PCDHGB2: variants seen among roughly 807,000 people sequenced by gnomAD.
The protein encoded by PCDHGB2 is protocadherin gamma-B2.
In PCDHGB2, 55 loss-of-function variants were observed where a neutral mutation model predicts 59.3. That is an observed-to-expected ratio of 0.93 (90% CI 0.75 to 1.16). The LOEUF (loss-of-function observed/expected upper bound fraction) is 1.16. Ranked by LOEUF, PCDHGB2 falls within the 50% of genes most tolerant of loss-of-function variation. The pLI, the probability that PCDHGB2 is intolerant of heterozygous loss-of-function variation, is 0.00. For synonymous variants in PCDHGB2, 516 were observed against 512.0 expected, an observed-to-expected ratio of 1.01 and a Z score of -0.11; for missense variants, 1,228 against 1,198.5, an observed-to-expected ratio of 1.02 and a Z score of -0.36.
At position 141,430,677 on chromosome 5, in the gene PCDHGB2, T is replaced by C. The variant is rs888907330; in HGVS notation, c.2422-64130T>C. On this transcript the variant is annotated intron_variant, in intron 1 of 3. Coordinates refer to ENST00000522605, the MANE Select transcript of PCDHGB2 (RefSeq NM_018923.3). ...AACGGAGGAGCTCTGACTTCCCAAC[T>C]GTCCCATTCTATGGGCGAAGGAACT... 1.2e-5 allele frequency: 15 copies of C among 1,303,020 alleles called. No individual in the cohort carries two copies. In the African/African-American group the frequency reaches 2.1e-4, roughly 18 times the overall value. The allele number at this position is 1,303,020 out of a possible 1,614,324, so 80.7% of individuals were successfully genotyped here. A position where few individuals can be genotyped will look rare whatever the true frequency, so the allele number is the denominator to read the frequency against.
At chr5:141,497,500 T>G (rs1468175808) in intron 2 of PCDHGB2, among the ~76,000 whole-genome samples, 2 of 151,562 alleles carry the variant, frequency 1.3e-5, no homozygotes, top group Non-Finnish European at 2.9e-5. Context: ...CTCTCTCCTC[T>G]CTCTGCTTCC....
intron 1 of PCDHGB2, chr5:141,421,377 C>T (rs1168242339): frequency 1.9e-6 from 3 of 1,613,924 alleles, no homozygotes; most frequent in South Asian, 1.1e-5. Context: ...GCAATATCTC[C>T]AAGGACCTGG....
At chr5:141,423,427 G>T (rs2096739583) in intron 1 of PCDHGB2, 1 of 1,613,892 alleles carries the variant, frequency 6.2e-7, no homozygotes, top group Non-Finnish European at 8.5e-7. Flanking sequence ...AGGCGGGTTG[G>T]CAGGTATGCC....
chr5:141,490,322 A>C lies in PCDHGB2; in HGVS notation c.2422-4485A>C. ...GCCTCTTTGGCCAACCCTGTCCTAGAGAGCACACCAGTGGGCACAGTAGTG... is the reference window on the plus strand; with the variant it reads ...GCCTCTTTGGCCAACCCTGTCCTAGCGAGCACACCAGTGGGCACAGTAGTG... On this transcript the variant is annotated intron_variant, in intron 1 of 3. Coordinates refer to ENST00000522605, the MANE Select transcript of PCDHGB2 (RefSeq NM_018923.3). This position sits in a 1 kb window ranked among gnomAD's most constrained non-coding sequence, Gnocchi z 5.4. The C allele has an allele frequency of 6.2e-7, 1 of 1,614,232 alleles. No individual in the cohort carries two copies. Among genetic ancestry groups the C allele is most frequent in the Non-Finnish European group, 8.5e-7 (1 of 1,180,038 alleles).
intron 1 of PCDHGB2, among the ~76,000 whole-genome samples, chr5:141,382,132 C>T (rs893026262): frequency 6.6e-6 from 1 of 152,070 alleles, no homozygotes; most frequent in Non-Finnish European, 1.5e-5. Flanking sequence ...CTGGCCCCCC[C>T]TCTCATTTTT....
Position 141,372,784 on chromosome 5 carries a change from C to T in PCDHGB2, c.2421+10228C>T. Reference sequence around the variant, plus strand: ...GAAAGTAATGACAATCCAGAAATGCCTTCTAATTCAGGCAATTTGCAAAAG... The same window carrying T: ...GAAAGTAATGACAATCCAGAAATGCTTTCTAATTCAGGCAATTTGCAAAAG... On this transcript the variant is annotated intron_variant, in intron 1 of 3. Coordinates refer to ENST00000522605, the MANE Select transcript of PCDHGB2 (RefSeq NM_018923.3). The T allele has an allele frequency of 1.9e-6, 3 of 1,606,556 alleles. No homozygotes were observed. In the South Asian group the frequency reaches 3.3e-5, roughly 18 times the overall value.
At chr5:141,370,662 A>G (rs1325799428) in intron 1 of PCDHGB2, 1 of 1,613,896 alleles carries the variant, frequency 6.2e-7, no homozygotes, top group South Asian at 1.1e-5. Flanking sequence ...GAGCGACCGT[A>G]TAGACCGAGA....
intron 1 of PCDHGB2, chr5:141,414,109 G>A: frequency 6.3e-7 from 1 of 1,592,288 alleles, no homozygotes; most frequent in Non-Finnish European, 8.6e-7. Context: ...AGAAAATCTA[G>A]ATTATGAAGA....
chr5:141,400,080 C>T (rs375308173), intron 1 of PCDHGB2: 219 of 1,614,010 alleles, frequency 1.4e-4, no homozygotes, highest in East Asian at 2.9e-4. Flanking sequence ...CGCCACTCTC[C>T]GCCACCGCCA....
In PCDHGB2 at chr5:141,487,829, C is replaced by T. The variant is rs528435429; in HGVS notation, c.2422-6978C>T. On this transcript the variant is annotated intron_variant, in intron 1 of 3. Transcript: ENST00000522605. The surrounding 1 kb of genome is among the most constrained non-coding windows in gnomAD (Gnocchi z 5.0). ...GTTTAGCATTGGGGGCGGGTCATGC[C>T]TATATCTGAGTAAGAAATGAAAGTA... The T allele has an allele frequency of 1.1e-4, 125 of 1,182,994 alleles. No homozygotes were observed. In the Middle Eastern group the frequency reaches 3.7e-3, roughly 35 times the overall value. 73.3% of individuals were successfully genotyped at this position (1,182,994 alleles called of 1,614,324 possible).
At chr5:141,382,764 A>G (rs1778415401) in intron 1 of PCDHGB2, 1 of 699,092 alleles carries the variant, frequency 1.4e-6, no homozygotes. Context: ...GCCCTCTTCC[A>G]GGCTGCACTA....
intron 1 of PCDHGB2, chr5:141,383,286 C>T (rs373163257): frequency 4.3e-6 from 7 of 1,613,770 alleles, no homozygotes; most frequent in African/African-American, 1.3e-5. Flanking sequence ...TTAATGACAA[C>T]GTTCCAAGAT....
At chr5:141,373,521 T>A (rs1217518860) in intron 1 of PCDHGB2, among the ~76,000 whole-genome samples, 1 of 152,192 alleles carries the variant, frequency 6.6e-6, no homozygotes, top group African/African-American at 2.4e-5. Context: ...AGACTTTGTC[T>A]CCAAAAAAGT....
At chr5:141,417,875 G>C (rs2096176700) in intron 1 of PCDHGB2, 2 of 1,556,360 alleles carry the variant, frequency 1.3e-6, no homozygotes, top group Non-Finnish European at 1.7e-6. Context: ...AGGGAGCTGC[G>C]CGCAGAGGCG....
At chr5:141,507,786 G>A (rs536470814) in intron 3 of PCDHGB2, among the ~76,000 whole-genome samples, 3 of 152,292 alleles carry the variant, frequency 2.0e-5, no homozygotes, top group East Asian at 1.9e-4. Context: ...CCTGACCCTC[G>A]TCTAAGCCTG....
At position 141,362,565 on chromosome 5, in the gene PCDHGB2, T is replaced by C. The variant is rs757616440; in HGVS notation, c.2421+9T>C. The stretch of plus-strand genomic sequence containing the variant: ...CAGATACTATTTTGAAGGTGAGCTT[T>C]AATTAATTTATTTTCACTTCTGGTT... On this transcript the variant is annotated intron_variant, in intron 1 of 3. Transcript: ENST00000522605. 1.6e-5 allele frequency: 25 copies of C among 1,608,278 alleles called. No homozygotes were observed. In the African/African-American group the frequency reaches 3.2e-4, roughly 21 times the overall value.
chr5:141,451,716 T>C (rs947058540), intron 1 of PCDHGB2, among the ~76,000 whole-genome samples: 1 of 152,092 alleles, frequency 6.6e-6, no homozygotes, highest in Non-Finnish European at 1.5e-5. Context: ...ACCCTGCCTC[T>C]ACTAAAAATA....
chr5:141,507,716 C>T (rs567867232), intron 3 of PCDHGB2, among the ~76,000 whole-genome samples: 1 of 152,372 alleles, frequency 6.6e-6, no homozygotes, highest in South Asian at 2.1e-4. Flanking sequence ...CCCAAACCCT[C>T]CAAGCAAGTC....
chr5:141,408,346 G>T (rs1248648378), intron 1 of PCDHGB2: 1 of 1,613,824 alleles, frequency 6.2e-7, no homozygotes, highest in African/African-American at 1.3e-5. Context: ...CGGTGGTGGG[G>T]AACCTCGCTA....
Sources: gnomAD v4.1 joint callset for allele counts (sites outside exome capture counted in the v4.1 genomes callset) on GRCh38, gnomAD v4.1.1 for gene constraint, Gnocchi (gnomAD v3.1) non-coding constraint, MANE v1.5 for transcripts, NCBI Gene and HGNC (gene_info 2026-07-23, HGNC 2026-07-21) for gene names.